The following TNPO1 variants were observed in gnomAD, a reference collection of about 807,000 sequenced individuals.
TNPO1 encodes the protein transportin 1.
In TNPO1, 8 loss-of-function variants were observed where a neutral mutation model predicts 119.5. The observed-to-expected ratio is 0.07, with a 90% CI of 0.04 to 0.12. The LOEUF (loss-of-function observed/expected upper bound fraction) is 0.12. Ranked by LOEUF, TNPO1 falls within the 10% of genes least tolerant of loss-of-function variation. The pLI, the probability that TNPO1 is intolerant of heterozygous loss-of-function variation, is 1.00. For synonymous variants in TNPO1, 362 were observed against 363.0 expected, an observed-to-expected ratio of 1.00 and a Z score of 0.03; for missense variants, 576 against 1,089.8, an observed-to-expected ratio of 0.53 and a Z score of 6.64.
intron 1 of TNPO1, chr5:72,825,959 T>A (rs939483625): frequency 6.6e-6 from 1 of 152,464 alleles, no homozygotes; most frequent in Non-Finnish European, 1.5e-5. Context: ...ATCTGCCCAA[T>A]CCACTCCACT....
intron 3 of TNPO1, among the ~76,000 whole-genome samples, chr5:72,851,569 T>A (rs2112260313): frequency 1.3e-5 from 2 of 152,320 alleles, no homozygotes; most frequent in East Asian, 3.9e-4. Context: ...CTTGGCTCAC[T>A]ACAATATCTG....
chr5:72,865,733 C>CTTATA lies in TNPO1; in HGVS notation c.596+7_596+11dup, dbSNP rs766872652. The CTTATA allele has an allele frequency of 6.2e-7, 1 of 1,612,374 alleles. No homozygotes were observed. Among genetic ancestry groups the CTTATA allele is most frequent in the East Asian group, 2.2e-5 (1 of 44,804 alleles). Reference sequence around the variant, plus strand: ...AGCATAGTAGTCCAAAAATAAGGTACTTATATTGCCAGTACTAATTGATTA... The same window carrying CTTATA: ...AGCATAGTAGTCCAAAAATAAGGTACTTATATTATATTGCCAGTACTAATTGATTA... On this transcript the variant is annotated splice_donor_region_variant and intron_variant, in intron 6 of 24. Transcript: ENST00000337273.
At chr5:72,873,146 T>C (rs1396875738) in intron 7 of TNPO1, among the ~76,000 whole-genome samples, 2 of 152,138 alleles carry the variant, frequency 1.3e-5, no homozygotes. Flanking sequence ...GTATTTTCCA[T>C]TGGTTTCCAT....
rs181287434 is a variant in TNPO1 at position 72,909,918 on chromosome 5, C to T, written c.*1245C>T. Reference sequence around the variant, plus strand: ...GTGCTTTCTGCATGGTTATATACTACTAGTGATTTTATCAAAACTTCTAAA... The same window carrying T: ...GTGCTTTCTGCATGGTTATATACTATTAGTGATTTTATCAAAACTTCTAAA... On this transcript the variant is annotated 3_prime_UTR_variant, in exon 25 of 25. Transcript: ENST00000337273. 1.0e-4 allele frequency: 16 copies of T among 152,648 alleles called. No individual in the cohort carries two copies. Among genetic ancestry groups the T allele is most frequent in the Non-Finnish European group, 1.3e-4 (9 of 68,006 alleles). The allele number at this position is 152,648 out of a possible 1,614,324, so 9.5% of individuals were successfully genotyped here.
chr5:72,836,946 G>T (rs1744715470), intron 1 of TNPO1, among the ~76,000 whole-genome samples: 1 of 152,118 alleles, frequency 6.6e-6, no homozygotes, highest in South Asian at 2.1e-4. Context: ...TCATCAGAAT[G>T]GCCTTTACTG....
At chr5:72,901,167 T>G in intron 22 of TNPO1, 94 bp downstream of exon 22, 1 of 727,842 alleles carries the variant, frequency 1.4e-6, no homozygotes, top group Non-Finnish European at 2.1e-6. Context: ...AAGTTAACTA[T>G]TTTCAAAGGT....
At chr5:72,900,889 C>A in intron 21 of TNPO1, 85 bp from the exon 22 acceptor site, 1 of 849,326 alleles carries the variant, frequency 1.2e-6, no homozygotes. Context: ...TACTGTGGTG[C>A]TTATTCCATT....
intron 14 of TNPO1, 81 bp downstream of exon 14, chr5:72,890,038 A>G: frequency 5.3e-6 from 8 of 1,506,576 alleles, no homozygotes; most frequent in South Asian, 4.8e-5. Context: ...TTTGGAAATT[A>G]AGATGTTTTG....
chr5:72,861,656 G>C, intron 4 of TNPO1, 152 bp from the exon 5 acceptor site: 1 of 556,142 alleles, frequency 1.8e-6, no homozygotes, highest in Non-Finnish European at 3.2e-6. Context: ...TGCCCGCCTC[G>C]GCCTCCCAGA....
chr5:72,870,906 A>G (rs182305856), intron 6 of TNPO1, among the ~76,000 whole-genome samples: 145 of 152,264 alleles, frequency 9.5e-4, no homozygotes, highest in Admixed American at 4.1e-3. Flanking sequence ...TAACATATAT[A>G]TTAGCTCATG....
intron 9 of TNPO1, among the ~76,000 whole-genome samples, chr5:72,879,788 A>G (rs745830885): frequency 2.0e-4 from 30 of 152,200 alleles, no homozygotes; most frequent in Admixed American, 1.6e-3. Flanking sequence ...TGTTTTTCCT[A>G]TTTATTAACC....
chr5:72,868,231 G>A (rs535635740), intron 6 of TNPO1, among the ~76,000 whole-genome samples: 2 of 151,778 alleles, frequency 1.3e-5, no homozygotes, highest in Non-Finnish European at 2.9e-5. Context: ...AGGAGATCGA[G>A]ACCATCCTTG....
At position 72,875,062 on chromosome 5, in the gene TNPO1, C is replaced by T. The variant is rs1389439163; in HGVS notation, c.679-553C>T. On this transcript the variant is annotated intron_variant, in intron 7 of 24. Coordinates refer to ENST00000337273, the MANE Select transcript of TNPO1 (RefSeq NM_002270.4). ...CCTTATTTGTAAAATTGAATAATAA[C>T]GTCTTAGAGTTTTGAAGATAAAATA... Among the ~76,000 whole-genome samples, 13 of 152,244 alleles carry T rather than the reference C, an allele frequency of 8.5e-5. 1 individual carries two copies. The South Asian group carries it at 1.7e-3, about 19-fold the overall frequency.
At chr5:72,847,008 T>G (rs1745159629) in intron 1 of TNPO1, among the ~76,000 whole-genome samples, 1 of 152,206 alleles carries the variant, frequency 6.6e-6, no homozygotes, top group Non-Finnish European at 1.5e-5. Context: ...ACAGTATTAA[T>G]ACATTTTATG....
rs1399949613 is a variant in TNPO1, at chr5:72,911,414, TGTATTTTTCCCCCTTGAG to T, written c.*2744_*2761del. 1.3e-5 allele frequency: 2 copies of T among 152,476 alleles called. No individual in the cohort carries two copies. Among genetic ancestry groups the T allele is most frequent in the African/African-American group, 4.8e-5 (2 of 41,432 alleles). The allele number at this position is 152,476 out of a possible 1,614,324, so 9.4% of individuals were successfully genotyped here. ...CCTGAATTTGAGTTGGGATTCTTTG[TGTATTTTTCCCCCTTGAG>T]GTTATTGTTTCTTCCTAATTTATAT... On this transcript the variant is annotated 3_prime_UTR_variant, in exon 25 of 25. Transcript: ENST00000337273.
chr5:72,836,662 A>T (rs1160725998), intron 1 of TNPO1, among the ~76,000 whole-genome samples: 1 of 152,144 alleles, frequency 6.6e-6, no homozygotes, highest in Admixed American at 6.5e-5. Context: ...CAGGTTCAGA[A>T]TTTTTCAAAT....
intron 4 of TNPO1, among the ~76,000 whole-genome samples, chr5:72,857,532 C>G (rs1746099871): frequency 6.6e-6 from 1 of 152,180 alleles, no homozygotes; most frequent in African/African-American, 2.4e-5. Context: ...TACCTTAAGG[C>G]TTTACCTACT....
rs927742289 is a variant in TNPO1 at position 72,839,471 on chromosome 5, G to A, written c.16-8914G>A. Among the ~76,000 whole-genome samples, 8 of 152,266 alleles carry A rather than the reference G, an allele frequency of 5.3e-5. No homozygotes were observed. In the South Asian group the frequency reaches 1.7e-3, roughly 32 times the overall value. On this transcript the variant is annotated intron_variant, in intron 1 of 24. Transcript: ENST00000337273. ...TTCTCATTTCTGTCTTACAACTTAA[G>A]TGGAACTTCTTACCCATTTTCTGTC...
intron 5 of TNPO1, among the ~76,000 whole-genome samples, chr5:72,863,912 A>G (rs1161203300): frequency 6.6e-6 from 1 of 152,220 alleles, no homozygotes; most frequent in African/African-American, 2.4e-5. Context: ...AAGAATAAAA[A>G]ATTTAAGCTG....
Sources: gnomAD v4.1 joint callset for allele counts (sites outside exome capture counted in the v4.1 genomes callset) on GRCh38, gnomAD v4.1.1 for gene constraint, MANE v1.5 for transcripts, NCBI Gene and HGNC (gene_info 2026-07-23, HGNC 2026-07-21) for gene names.